The following GRIA1 variants were observed in gnomAD, a reference collection of about 807,000 sequenced individuals.
GRIA1 encodes the protein glutamate ionotropic receptor AMPA type subunit 1, also known as glutamate receptor 1.
A neutral mutation model predicts 99.2 loss-of-function variants in GRIA1; 31 were observed. The ratio of observed to expected loss-of-function variants is 0.31; its 90% CI spans 0.23 to 0.42. The LOEUF is 0.42. GRIA1 is among the 10% of genes least tolerant of loss of function. The pLI is 1.00. For synonymous variants in GRIA1, 438 were observed against 432.4 expected (o/e 1.01, Z -0.16); for missense variants, 782 against 1,157.5 (o/e 0.68, Z 4.71).
At chr5:153,663,354 A>G (rs554954446) in intron 5 of GRIA1, among the ~76,000 whole-genome samples, 1 of 152,336 alleles carries the variant, frequency 6.6e-6, no homozygotes, top group East Asian at 1.9e-4. Flanking sequence ...ACACTGCCCA[A>G]ACTGGGGAAA....
chr5:153,603,321 A>G (rs1016979651), intron 2 of GRIA1, among the ~76,000 whole-genome samples: 3 of 152,136 alleles, frequency 2.0e-5, no homozygotes, highest in Non-Finnish European at 4.4e-5. Context: ...CCAGTCTATC[A>G]TTGTTGGACA....
intron 2 of GRIA1, among the ~76,000 whole-genome samples, chr5:153,578,170 A>AAAAAAAAAG (rs1561658005): frequency 3.4e-5 from 4 of 119,250 alleles, no homozygotes; most frequent in Admixed American, 9.1e-5. Flanking sequence ...AAAAAAAAAA[A>AAAAAAAAAG]AAAGAAAGAA....
At chr5:153,649,248 A>G (rs564292889) in intron 3 of GRIA1, among the ~76,000 whole-genome samples, 2 of 152,304 alleles carry the variant, frequency 1.3e-5, no homozygotes, top group South Asian at 4.1e-4. Context: ...TACCTCAAGA[A>G]CTGTAAGATA....
intron 13 of GRIA1, among the ~76,000 whole-genome samples, chr5:153,785,740 T>C (rs985163667): frequency 6.6e-6 from 1 of 152,222 alleles, no homozygotes. Flanking sequence ...GCTTTTTATC[T>C]AGCTCGTGAA....
intron 13 of GRIA1, among the ~76,000 whole-genome samples, chr5:153,776,215 T>TA (rs1764243237): frequency 6.6e-6 from 1 of 152,256 alleles, no homozygotes; most frequent in African/African-American, 2.4e-5. Context: ...GGTCATGAGT[T>TA]ACAACGGGAT....
intron 2 of GRIA1, among the ~76,000 whole-genome samples, chr5:153,527,613 C>T (rs1757723203): frequency 6.6e-6 from 1 of 152,114 alleles, no homozygotes; most frequent in Admixed American, 6.6e-5. Context: ...CAGCAGAGGG[C>T]ACAGGAAGAA....
At chr5:153,538,466 C>T (rs979625107) in intron 2 of GRIA1, among the ~76,000 whole-genome samples, 2 of 151,920 alleles carry the variant, frequency 1.3e-5, no homozygotes, top group East Asian at 3.9e-4. Flanking sequence ...TGTCTGCTTC[C>T]CCAGCAACTG....
chr5:153,723,921 G>C (rs190189049), intron 11 of GRIA1, among the ~76,000 whole-genome samples: 307 of 152,310 alleles, frequency 2.0e-3, no homozygotes, highest in African/African-American at 7.0e-3. Context: ...CTGGAGATCT[G>C]AGAACGGGCA....
intron 11 of GRIA1, among the ~76,000 whole-genome samples, chr5:153,714,454 G>A (rs1204872883): frequency 1.3e-5 from 2 of 152,062 alleles, no homozygotes; most frequent in Non-Finnish European, 2.9e-5. Flanking sequence ...GGAAAATCCA[G>A]ACCATAAATG....
Position 153,490,698 on chromosome 5 carries a change from C to G in GRIA1, c.-191C>G. The G allele has an allele frequency of 1.5e-6, 1 of 665,790 alleles. No homozygotes were observed. Among genetic ancestry groups the G allele is most frequent in the African/African-American group, 1.8e-5 (1 of 55,706 alleles). The allele number at this position is 665,790 out of a possible 1,614,324, so 41.2% of individuals were successfully genotyped here. A position where few individuals can be genotyped will look rare whatever the true frequency, so the allele number is the denominator to read the frequency against. On this transcript the variant is annotated 5_prime_UTR_variant, in exon 1 of 16. Coordinates refer to ENST00000285900, the MANE Select transcript of GRIA1 (RefSeq NM_000827.4). ...TAATCTGGCTGTCAGTTGGTGTTAA[C>G]GCTGCAGTTTAAGTGTTCGGATTCC...
At chr5:153,718,617 G>A (rs1349407144) in intron 11 of GRIA1, among the ~76,000 whole-genome samples, 1 of 152,150 alleles carries the variant, frequency 6.6e-6, no homozygotes, top group African/African-American at 2.4e-5. Context: ...GAGAATACAT[G>A]AGCAAACAGA....
intron 2 of GRIA1, among the ~76,000 whole-genome samples, chr5:153,553,334 C>T (rs1432617263): frequency 3.3e-5 from 5 of 152,266 alleles, no homozygotes; most frequent in East Asian, 1.9e-4. Context: ...GAATGAGAGG[C>T]ATAAGACAGA....
rs902654903 is a variant in GRIA1, at chr5:153,701,634, A to C, written c.1452+2561A>C. 1.0e-3 allele frequency among the ~76,000 whole-genome samples: 155 copies of C among 148,912 alleles called. 9 individuals carry two copies. The highest frequency in any genetic ancestry group is 1.4e-3 in the Non-Finnish European group (94 of 67,164). On this transcript the variant is annotated intron_variant, in intron 10 of 15. Transcript: ENST00000285900. ...AGACCCGTCTCAAAAAAAAAAAAAAAAAAAAAAATACTATGTTCTGAAGAC... is the reference window on the plus strand; with the variant it reads ...AGACCCGTCTCAAAAAAAAAAAAAACAAAAAAAATACTATGTTCTGAAGAC...
At chr5:153,553,746 A>G (rs1425241067) in intron 2 of GRIA1, among the ~76,000 whole-genome samples, 1 of 152,160 alleles carries the variant, frequency 6.6e-6, no homozygotes, top group Non-Finnish European at 1.5e-5. Flanking sequence ...AGTTTCTGAG[A>G]TATTGGGAAA....
intron 2 of GRIA1, among the ~76,000 whole-genome samples, chr5:153,615,468 C>T (rs1188839192): frequency 9.2e-5 from 14 of 152,026 alleles, no homozygotes; most frequent in Admixed American, 9.2e-4. Context: ...ATAGTAAGGC[C>T]CTGCCTCTAC....
intron 8 of GRIA1, among the ~76,000 whole-genome samples, chr5:153,690,751 A>G (rs1260969737): frequency 1.3e-5 from 2 of 152,196 alleles, no homozygotes; most frequent in African/African-American, 4.8e-5. Flanking sequence ...TTCAGATCCC[A>G]GGGCTGTTTT....
At chr5:153,714,096 T>C (rs1418645801) in intron 11 of GRIA1, among the ~76,000 whole-genome samples, 2 of 152,060 alleles carry the variant, frequency 1.3e-5, no homozygotes, top group Non-Finnish European at 2.9e-5. Context: ...TTAGTGTAGG[T>C]TCAATAGCAT....
chr5:153,554,775 T>C (rs1014816239), intron 2 of GRIA1, among the ~76,000 whole-genome samples: 5 of 152,238 alleles, frequency 3.3e-5, no homozygotes, highest in African/African-American at 1.2e-4. Context: ...ATTACAGGCA[T>C]GAGCCACTGC....
At chr5:153,759,412 A>G (rs1763033904) in intron 11 of GRIA1, among the ~76,000 whole-genome samples, 1 of 151,920 alleles carries the variant, frequency 6.6e-6, no homozygotes, top group Non-Finnish European at 1.5e-5. Context: ...AAAGGATCAT[A>G]AGAGACTGTT....
Sources: allele counts gnomAD v4.1 joint callset (sites outside exome capture counted in the v4.1 genomes callset), GRCh38; gene constraint gnomAD v4.1.1; transcripts MANE v1.5; gene names NCBI Gene and HGNC (gene_info 2026-07-23, HGNC 2026-07-21).